The following DPP6 variants were observed in gnomAD, a reference collection of about 807,000 sequenced individuals.
The protein encoded by DPP6 is A-type potassium channel modulatory protein DPP6.
A neutral mutation model predicts 122.6 loss-of-function variants in DPP6; 69 were observed. That is an observed-to-expected ratio of 0.56 (90% confidence interval 0.46 to 0.69). The LOEUF is 0.69. Among genes scored for constraint, DPP6 ranks in the 30% least tolerant of loss-of-function variants. DPP6 has a pLI of 0.00. For missense variants in DPP6, 928 were observed against 1,116.9 expected (o/e 0.83, Z 2.41); for synonymous variants, 418 against 433.1 (o/e 0.97, Z 0.43).
chr7:154,866,806 G>A (rs1803910685), intron 17 of DPP6, among the ~76,000 whole-genome samples: 1 of 152,104 alleles, frequency 6.6e-6, no homozygotes, highest in African/African-American at 2.4e-5. Context: ...CACAAGCGCT[G>A]GGAGCTTCCA....
chr7:154,747,408 G>T (rs1843084847), intron 8 of DPP6, among the ~76,000 whole-genome samples: 1 of 152,196 alleles, frequency 6.6e-6, no homozygotes, highest in African/African-American at 2.4e-5. Context: ...GAGCTCTGAA[G>T]TCTAACACCC....
At chr7:154,829,592 C>T (rs1346181333) in intron 16 of DPP6, among the ~76,000 whole-genome samples, 4 of 152,016 alleles carry the variant, frequency 2.6e-5, no homozygotes, top group Non-Finnish European at 5.9e-5. Context: ...AATTTCCAAG[C>T]AAATTGGGAG....
intron 1 of DPP6, among the ~76,000 whole-genome samples, chr7:154,090,318 T>C (rs888054967): frequency 6.6e-5 from 10 of 152,216 alleles, no homozygotes; most frequent in African/African-American, 2.4e-4. Context: ...ACTGGCCACA[T>C]GCTCCAAGGA....
rs1339059854 is a variant in DPP6 at position 154,632,515 on chromosome 7, A to G, written c.628-5306A>G. Among the ~76,000 whole-genome samples, 14 of 152,320 alleles carry G rather than the reference A, an allele frequency of 9.2e-5. No individual in the cohort carries two copies. The East Asian group carries it at 2.7e-3, about 29-fold the overall frequency. On this transcript the variant is annotated intron_variant, in intron 5 of 25. Transcript: ENST00000377770. ...TACTGAGTGCATGATGGAGCTACCAACTGAGATAGGGATTATCAAAAGGGA... is the reference window on the plus strand; with the variant it reads ...TACTGAGTGCATGATGGAGCTACCAGCTGAGATAGGGATTATCAAAAGGGA...
intron 1 of DPP6, among the ~76,000 whole-genome samples, chr7:154,217,299 C>T (rs921172795): frequency 1.3e-5 from 2 of 152,134 alleles, no homozygotes; most frequent in African/African-American, 4.8e-5. Flanking sequence ...ATGTCTAGCA[C>T]ATGTTAAGTA....
intron 1 of DPP6, among the ~76,000 whole-genome samples, chr7:154,150,910 A>G (rs1246888033): frequency 6.6e-6 from 1 of 152,134 alleles, no homozygotes; most frequent in African/African-American, 2.4e-5. Flanking sequence ...CTCCTCTTAA[A>G]GGCCAGGAGA....
intron 1 of DPP6, among the ~76,000 whole-genome samples, chr7:154,074,795 A>G (rs1428152551): frequency 2.0e-5 from 3 of 151,892 alleles, no homozygotes; most frequent in Non-Finnish European, 4.4e-5. Context: ...AGCTCAGTTT[A>G]TGATTGGTAT....
At chr7:154,023,460 G>T (rs1301271213) in intron 1 of DPP6, among the ~76,000 whole-genome samples, 2 of 151,530 alleles carry the variant, frequency 1.3e-5, no homozygotes, top group Non-Finnish European at 2.9e-5. Flanking sequence ...CGGTTTAATG[G>T]AATTGGTATA....
intron 10 of DPP6, among the ~76,000 whole-genome samples, chr7:154,779,120 A>ACCACAACCACCC: frequency 1.8e-5 from 1 of 56,966 alleles, no homozygotes; most frequent in South Asian, 6.3e-4. Flanking sequence ...CACCATCACC[A>ACCACAACCACCC]CCACTATCAC....
chr7:154,722,327 C>T (rs1841860359), intron 7 of DPP6, among the ~76,000 whole-genome samples: 1 of 152,242 alleles, frequency 6.6e-6, no homozygotes, highest in African/African-American at 2.4e-5. Flanking sequence ...GCACGTGTTG[C>T]AGACACCATC....
chr7:153,757,646 C>T, the DPP6 span, among the ~76,000 whole-genome samples: 826 of 141,574 alleles, frequency 5.8e-3, no homozygotes, highest in African/African-American at 0.024. Flanking sequence ...GCTCCAACTT[C>T]ACAATATTCC....
At chr7:154,485,943 C>CT (rs1823753193) in intron 3 of DPP6, among the ~76,000 whole-genome samples, 3 of 144,142 alleles carry the variant, frequency 2.1e-5, no homozygotes. Flanking sequence ...TCCCTCCCCC[C>CT]TCCCCCCACC....
chr7:153,999,536 G>A (rs1300847607), intron 1 of DPP6, among the ~76,000 whole-genome samples: 1 of 152,152 alleles, frequency 6.6e-6, no homozygotes, highest in Non-Finnish European at 1.5e-5. Context: ...GTGAGTACTT[G>A]CCGAGTGCTC....
intron 1 of DPP6, among the ~76,000 whole-genome samples, chr7:154,432,550 C>T (rs1050101978): frequency 2.0e-5 from 3 of 152,178 alleles, no homozygotes; most frequent in Non-Finnish European, 4.4e-5. Flanking sequence ...ACCCCCTTCT[C>T]CATCGGGACC....
intron 1 of DPP6, among the ~76,000 whole-genome samples, chr7:154,079,916 C>T (rs1803867882): frequency 6.6e-6 from 1 of 151,558 alleles, no homozygotes; most frequent in South Asian, 2.1e-4. Flanking sequence ...TGGACCTGGT[C>T]TGTGATATAG....
chr7:154,638,017 G>A, intron 6 of DPP6, 144 bp downstream of exon 6: 1 of 871,132 alleles, frequency 1.1e-6, no homozygotes, highest in East Asian at 2.8e-5. Flanking sequence ...GGCACCTCTG[G>A]GACTCTCCCT....
At chr7:154,779,474 CA>C (rs1256481233) in intron 10 of DPP6, among the ~76,000 whole-genome samples, 1 of 152,196 alleles carries the variant, frequency 6.6e-6, no homozygotes, top group Admixed American at 6.5e-5. Flanking sequence ...AATAACCTGT[CA>C]CATTTACAAT....
chr7:154,387,395 G>A (rs1461381146), intron 1 of DPP6, among the ~76,000 whole-genome samples: 1 of 152,158 alleles, frequency 6.6e-6, no homozygotes, highest in African/African-American at 2.4e-5. Flanking sequence ...TGAGATGCTA[G>A]GAGACTATAG....
chr7:154,459,236 A>G (rs1158336339), intron 2 of DPP6, among the ~76,000 whole-genome samples: 1 of 152,168 alleles, frequency 6.6e-6, no homozygotes, highest in East Asian at 1.9e-4. Flanking sequence ...TACAATGTGT[A>G]AAGGTGTTTG....
Sources: allele counts gnomAD v4.1 joint callset (sites outside exome capture counted in the v4.1 genomes callset), GRCh38; gene constraint gnomAD v4.1.1; transcripts MANE v1.5; gene names NCBI Gene and HGNC (gene_info 2026-07-23, HGNC 2026-07-21).